Variants in PELI2 observed in about 807,000 individuals in gnomAD.
PELI2 encodes the protein E3 ubiquitin-protein ligase pellino homolog 2.
In PELI2, 23 loss-of-function variants were observed where a neutral mutation model predicts 42.3. That is an observed-to-expected ratio of 0.54 (90% confidence interval 0.39 to 0.77). The LOEUF (loss-of-function observed/expected upper bound fraction) is 0.77, where lower values mean the gene tolerates loss of function less well. PELI2 is among the 30% of genes least tolerant of loss of function. The pLI, the probability that PELI2 is intolerant of heterozygous loss-of-function variation, is 0.00. For missense variants in PELI2, 463 were observed against 553.2 expected, an observed-to-expected ratio of 0.84 and a Z score of 1.64; for synonymous variants, 245 against 212.2, an observed-to-expected ratio of 1.15 and a Z score of -1.34.
At chr14:56,283,688 A>G (rs1889556990) in intron 3 of PELI2, among the ~76,000 whole-genome samples, 1 of 152,226 alleles carries the variant, frequency 6.6e-6, no homozygotes, top group African/African-American at 2.4e-5. Context: ...CATTAGGGGC[A>G]GAGCTAAGAT....
rs1365045827 is a variant in PELI2, at chr14:56,229,222, C to T, written c.208-50454C>T. Among the ~76,000 whole-genome samples, 14 of 152,224 alleles carry T rather than the reference C, an allele frequency of 9.2e-5. 1 individual carries two copies. The highest frequency in any genetic ancestry group is 3.9e-4 in the Admixed American group (6 of 15,292). ...CTTTTGCAGACTTAAGCATCCCTGTCTGACAGCTTTGAAGAGAGTAGTGGT... is the reference window on the plus strand; with the variant it reads ...CTTTTGCAGACTTAAGCATCCCTGTTTGACAGCTTTGAAGAGAGTAGTGGT... On this transcript the variant is annotated intron_variant, in intron 2 of 5. Transcript: ENST00000267460.
At chr14:56,226,984 G>C (rs1411793732) in intron 2 of PELI2, among the ~76,000 whole-genome samples, 1 of 152,158 alleles carries the variant, frequency 6.6e-6, no homozygotes, top group African/African-American at 2.4e-5. Flanking sequence ...GGCCCCCAGG[G>C]CTCTAAAATT....
At chr14:56,292,711 T>C (rs921605923) in intron 5 of PELI2, 13 of 905,974 alleles carry the variant, frequency 1.4e-5, no homozygotes, top group Admixed American at 6.2e-5. Flanking sequence ...TGTTTTTCAT[T>C]ATTACAGCAA....
chr14:56,232,085 A>C (rs1887597785), intron 2 of PELI2, among the ~76,000 whole-genome samples: 2 of 152,206 alleles, frequency 1.3e-5, no homozygotes, highest in African/African-American at 4.8e-5. Context: ...TGGATAGACA[A>C]ATAGCAGGCT....
At chr14:56,233,182 G>A (rs541093173) in intron 2 of PELI2, among the ~76,000 whole-genome samples, 1 of 152,254 alleles carries the variant, frequency 6.6e-6, no homozygotes, top group South Asian at 2.1e-4. Context: ...TACTGCCCAA[G>A]GTAATTTATA....
intron 2 of PELI2, among the ~76,000 whole-genome samples, chr14:56,199,538 C>T (rs991030982): frequency 6.6e-6 from 1 of 152,074 alleles, no homozygotes; most frequent in Non-Finnish European, 1.5e-5. Flanking sequence ...TAAATCTACC[C>T]AGTGCTTCAT....
At chr14:56,230,234 C>T (rs1379779931) in intron 2 of PELI2, among the ~76,000 whole-genome samples, 1 of 152,170 alleles carries the variant, frequency 6.6e-6, no homozygotes, top group Non-Finnish European at 1.5e-5. Flanking sequence ...CATTCAAATT[C>T]ATGAAATACA....
At chr14:56,270,818 C>G (rs540927142) in intron 2 of PELI2, among the ~76,000 whole-genome samples, 1 of 152,136 alleles carries the variant, frequency 6.6e-6, no homozygotes, top group Non-Finnish European at 1.5e-5. Context: ...TGGTGAGTAG[C>G]TGAACTCAGA....
chr14:56,245,081 T>C (rs890097047), intron 2 of PELI2, among the ~76,000 whole-genome samples: 4 of 152,200 alleles, frequency 2.6e-5, no homozygotes, highest in Non-Finnish European at 4.4e-5. Context: ...CCACTTCTCT[T>C]AATTCGAAAC....
At chr14:56,210,779 G>A (rs1416068450) in intron 2 of PELI2, among the ~76,000 whole-genome samples, 2 of 152,162 alleles carry the variant, frequency 1.3e-5, no homozygotes, top group Non-Finnish European at 2.9e-5. Flanking sequence ...AGTGCTTGTG[G>A]TCAGCCTTCA....
At chr14:56,187,903 C>T (rs767352534) in intron 2 of PELI2, among the ~76,000 whole-genome samples, 6 of 152,204 alleles carry the variant, frequency 3.9e-5, no homozygotes, top group Admixed American at 1.3e-4. Context: ...GCAGGATCGC[C>T]GTGCTCTTCT....
At chr14:56,282,878 T>C (rs986564947) in intron 3 of PELI2, among the ~76,000 whole-genome samples, 1 of 152,204 alleles carries the variant, frequency 6.6e-6, no homozygotes, top group African/African-American at 2.4e-5. Context: ...GTTTTTTTAC[T>C]ACTTACAGTA....
At position 56,169,053 on chromosome 14, in the gene PELI2, A is replaced by C. The variant is rs556881942; in HGVS notation, c.78-9282A>C. On this transcript the variant is annotated intron_variant, in intron 1 of 5. Transcript: ENST00000267460. ...GCGGCTCAGCTGTTATCCAAGATGC[A>C]AGACAAAGTCCTCCCCACTCTACCG... 6.3e-3 allele frequency among the ~76,000 whole-genome samples: 952 copies of C among 152,206 alleles called. 6 individuals carry two copies. The highest frequency in any genetic ancestry group is 9.8e-3 in the Non-Finnish European group (668 of 68,000).
chr14:56,298,371 G>A lies in PELI2; in HGVS notation c.*1205G>A, dbSNP rs532931970. ...ATAATTAAATGAGAATTTCATAGGAGCTCCACCATTCCTGTTACTTTCATT... is the reference window on the plus strand; with the variant it reads ...ATAATTAAATGAGAATTTCATAGGAACTCCACCATTCCTGTTACTTTCATT... On this transcript the variant is annotated 3_prime_UTR_variant, in exon 6 of 6. Coordinates refer to ENST00000267460, the MANE Select transcript of PELI2 (RefSeq NM_021255.3). 22 of 152,500 alleles carry A rather than the reference G, an allele frequency of 1.4e-4. No individual in the cohort carries two copies. The South Asian group carries it at 4.6e-3, about 32-fold the overall frequency. The allele number at this position is 152,500 out of a possible 1,614,324, so 9.4% of individuals were successfully genotyped here.
At chr14:56,255,425 G>C (rs1566667565) in intron 2 of PELI2, among the ~76,000 whole-genome samples, 1 of 152,072 alleles carries the variant, frequency 6.6e-6, no homozygotes, top group African/African-American at 2.4e-5. Context: ...TCATAAGTGG[G>C]AGTTGAACAT....
chr14:56,142,956 G>C (rs1269380686), intron 1 of PELI2, among the ~76,000 whole-genome samples: 1 of 152,024 alleles, frequency 6.6e-6, no homozygotes, highest in East Asian at 1.9e-4. Flanking sequence ...TCATATTCAT[G>C]GAAAAATTAT....
At chr14:56,280,473 CAATT>C (rs1400497112) in intron 3 of PELI2, among the ~76,000 whole-genome samples, 1 of 151,692 alleles carries the variant, frequency 6.6e-6, no homozygotes, top group East Asian at 1.9e-4. Context: ...AAACAACAAA[CAATT>C]AAAATTTAGA....
At chr14:56,282,580 A>T (rs1351522306) in intron 3 of PELI2, among the ~76,000 whole-genome samples, 2 of 151,988 alleles carry the variant, frequency 1.3e-5, no homozygotes, top group Non-Finnish European at 1.5e-5. Context: ...TGTGTTAGAT[A>T]TTTAAAAACT....
chr14:56,228,599 T>C (rs2086326), intron 2 of PELI2, among the ~76,000 whole-genome samples: 111,734 of 152,198 alleles, frequency 0.73, 41,595 homozygotes, highest in African/African-American at 0.85. Context: ...TTCACCTGCT[T>C]AATTTGCGTT....
Sources: gnomAD v4.1 joint callset for allele counts (sites outside exome capture counted in the v4.1 genomes callset) on GRCh38, gnomAD v4.1.1 for gene constraint, MANE v1.5 for transcripts, NCBI Gene and HGNC (gene_info 2026-07-23, HGNC 2026-07-21) for gene names.